Variants in AP1S3 observed in about 807,000 individuals in gnomAD.
The protein encoded by AP1S3 is AP-1 complex subunit sigma-3.
A neutral mutation model predicts 20.9 loss-of-function variants in AP1S3; 10 were observed. The observed-to-expected ratio is 0.48, with a 90% CI of 0.29 to 0.81. The LOEUF (loss-of-function observed/expected upper bound fraction) is 0.81, where lower values mean the gene tolerates loss of function less well. Ranked by LOEUF, AP1S3 falls within the 30% of genes least tolerant of loss-of-function variation. The probability of loss-of-function intolerance (pLI) is 0.08; values close to 1 mark genes in which losing one functional copy is unlikely to be tolerated. For synonymous variants in AP1S3, 41 were observed against 61.5 expected (o/e 0.67, Z 1.56); for missense variants, 154 against 183.8 (o/e 0.84, Z 0.94).
intron 1 of AP1S3, among the ~76,000 whole-genome samples, chr2:223,804,634 G>A (rs147981458): frequency 0.013 from 1,938 of 152,114 alleles, 21 homozygotes; most frequent in Admixed American, 0.019. Context: ...TTGATTTTAG[G>A]AGGCAGAGGT....
chr2:223,780,322 G>T (rs1379600446), intron 1 of AP1S3, among the ~76,000 whole-genome samples: 353 of 84,912 alleles, frequency 4.2e-3, no homozygotes, highest in Middle Eastern at 5.6e-3. Context: ...GAGAGAGAGA[G>T]AGAGAGAGAG....
Position 223,756,640 on chromosome 2 carries a change from G to A in AP1S3, c.*2075C>T. ...CCTGAAGAAATATTGGATAGTAAAA[G>A]CCTAATGATTATTTTATATGCTAAT... On this transcript the variant is annotated 3_prime_UTR_variant, in exon 5 of 5. Transcript: ENST00000396654. 5.1e-6 allele frequency: 5 copies of A among 985,170 alleles called. No homozygotes were observed. The highest frequency in any genetic ancestry group is 6.0e-6 in the Non-Finnish European group (5 of 829,756). 61.0% of individuals were successfully genotyped at this position (985,170 alleles called of 1,614,324 possible). A position where few individuals can be genotyped will look rare whatever the true frequency, so the allele number is the denominator to read the frequency against.
At chr2:223,809,241 C>A (rs1158012285) in intron 1 of AP1S3, among the ~76,000 whole-genome samples, 1 of 152,214 alleles carries the variant, frequency 6.6e-6, no homozygotes, top group Non-Finnish European at 1.5e-5. Context: ...ATCTACTCTT[C>A]CCTTCGCTCA....
At chr2:223,777,325 G>GC (rs1690806865) in intron 2 of AP1S3, among the ~76,000 whole-genome samples, 1 of 152,164 alleles carries the variant, frequency 6.6e-6, no homozygotes, top group African/African-American at 2.4e-5. Context: ...AACCCAGGAG[G>GC]TGGAAGTTGC....
chr2:223,804,150 T>C (rs906698352), intron 1 of AP1S3, among the ~76,000 whole-genome samples: 6 of 152,162 alleles, frequency 3.9e-5, no homozygotes, highest in Non-Finnish European at 8.8e-5. Context: ...TCCCAATTGA[T>C]GGCTAGTTTC....
chr2:223,813,709 G>A (rs1037438767), intron 1 of AP1S3, among the ~76,000 whole-genome samples: 1 of 152,190 alleles, frequency 6.6e-6, no homozygotes, highest in Non-Finnish European at 1.5e-5. Context: ...TTGAACACCA[G>A]TGTATGGGAT....
chr2:223,800,912 T>G (rs1691453539), intron 1 of AP1S3, among the ~76,000 whole-genome samples: 1 of 152,176 alleles, frequency 6.6e-6, no homozygotes, highest in South Asian at 2.1e-4. Flanking sequence ...CCCAGAGACC[T>G]GGTGATTATA....
At chr2:223,821,091 G>A (rs1269209401) in intron 1 of AP1S3, among the ~76,000 whole-genome samples, 1 of 152,178 alleles carries the variant, frequency 6.6e-6, no homozygotes, top group Non-Finnish European at 1.5e-5. Flanking sequence ...CTCTAGGTAT[G>A]GATGCCTTCC....
intron 4 of AP1S3, among the ~76,000 whole-genome samples, chr2:223,764,786 T>A (rs1237532071): frequency 6.6e-6 from 1 of 152,232 alleles, no homozygotes. Flanking sequence ...TTTTTATACA[T>A]CTCATAAAAT....
chr2:223,811,243 C>T (rs1691718178), intron 1 of AP1S3, among the ~76,000 whole-genome samples: 2 of 150,644 alleles, frequency 1.3e-5, no homozygotes, highest in South Asian at 4.2e-4. Context: ...CAGGCGCCCA[C>T]CACTACACCT....
At chr2:223,830,402 C>G (rs551945145) in intron 1 of AP1S3, among the ~76,000 whole-genome samples, 1 of 150,988 alleles carries the variant, frequency 6.6e-6, no homozygotes, top group African/African-American at 2.4e-5. Context: ...TTGCTTGAAC[C>G]TGGGAGGCAG....
chr2:223,824,950 C>T (rs941255274), intron 1 of AP1S3, among the ~76,000 whole-genome samples: 5 of 151,920 alleles, frequency 3.3e-5, no homozygotes, highest in Admixed American at 6.6e-5. Flanking sequence ...ATACATAATT[C>T]GTTAGTGGGA....
At chr2:223,811,582 GA>G (rs1204272267) in intron 1 of AP1S3, among the ~76,000 whole-genome samples, 1 of 144,772 alleles carries the variant, frequency 6.9e-6, no homozygotes, top group African/African-American at 2.6e-5. Flanking sequence ...AAAAAAAAAA[GA>G]AAAAAAGAAA....
chr2:223,764,427 AG>A (rs1690430786), intron 4 of AP1S3, among the ~76,000 whole-genome samples: 1 of 152,008 alleles, frequency 6.6e-6, no homozygotes, highest in Admixed American at 6.6e-5. Flanking sequence ...GTGTCCTGGG[AG>A]GAATGGAGGG....
chr2:223,760,233 G>A (rs1223763790), intron 4 of AP1S3, among the ~76,000 whole-genome samples: 1 of 152,128 alleles, frequency 6.6e-6, no homozygotes, highest in Non-Finnish European at 1.5e-5. Context: ...TTTCGTTTGA[G>A]TCACGATCTG....
Position 223,769,805 on chromosome 2 carries a change from GC to G in AP1S3, c.292-4456del, listed in dbSNP as rs1455582129. ...GTCGCCCAGGCTGGAGTGCAGTGGC[GC>G]GATCTCGGCTCACTGAAGGCTCCGC... On this transcript the variant is annotated intron_variant, in intron 3 of 4. Transcript: ENST00000396654. Among the ~76,000 whole-genome samples, 3 of 140,798 alleles carry G rather than the reference GC, an allele frequency of 2.1e-5. No homozygotes were observed. In the East Asian group the frequency reaches 6.6e-4, roughly 31 times the overall value. 92.4% of individuals were successfully genotyped at this position (140,798 alleles called of 152,430 possible). A position where few individuals can be genotyped will look rare whatever the true frequency, so the allele number is the denominator to read the frequency against.
intron 3 of AP1S3, among the ~76,000 whole-genome samples, chr2:223,769,985 C>T: frequency 6.6e-6 from 1 of 152,034 alleles, no homozygotes. Context: ...ACCTCGTGAT[C>T]CACCCGCCTC....
intron 1 of AP1S3, among the ~76,000 whole-genome samples, chr2:223,799,039 C>T (rs553508150): frequency 7.4e-4 from 112 of 152,118 alleles, no homozygotes; most frequent in African/African-American, 2.3e-3. Flanking sequence ...CCACTGCACT[C>T]CAGCCTGGGC....
At chr2:223,802,466 C>A (rs1296719062) in intron 1 of AP1S3, among the ~76,000 whole-genome samples, 1 of 151,970 alleles carries the variant, frequency 6.6e-6, no homozygotes. Context: ...GCATACCCAG[C>A]TAATTTTTTT....
Sources: allele counts gnomAD v4.1 joint callset (sites outside exome capture counted in the v4.1 genomes callset), GRCh38; gene constraint gnomAD v4.1.1; transcripts MANE v1.5; gene names NCBI Gene and HGNC (gene_info 2026-07-23, HGNC 2026-07-21).